CNTN6: variants seen among roughly 807,000 people sequenced by gnomAD.
The protein encoded by CNTN6 is contactin-6.
CNTN6 carries 137 observed loss-of-function variants against 122.8 expected under a neutral mutation model. The observed-to-expected ratio is 1.12, with a 90% CI of 0.97 to 1.29. CNTN6 has a LOEUF of 1.29. Among genes scored for constraint, CNTN6 ranks in the 50% most tolerant of loss-of-function variants. CNTN6 has a pLI of 0.00. For synonymous variants in CNTN6, 570 were observed against 426.0 expected (o/e 1.34, Z -4.16); for missense variants, 1,634 against 1,223.4 (o/e 1.34, Z -5.01).
intron 20 of CNTN6, among the ~76,000 whole-genome samples, chr3:1,388,293 C>G (rs547274523): frequency 2.0e-5 from 3 of 147,946 alleles, no homozygotes; most frequent in African/African-American, 5.0e-5. Context: ...CACCCCCCAG[C>G]AGGGGCACAC....
chr3:1,402,439 G>A lies in CNTN6; in HGVS notation c.2939G>A (p.Gly980Asp). The change falls in exon 22 of 23, where the codon GGT (glycine) becomes GAT (aspartate). Residue 980 changes from glycine (G) to aspartate (D), a missense_variant. Transcript: ENST00000446702. ...ATTGAAATAAGAACAGTCAGTGATG[G>A]TGGAGATGGAAGCAGCAGTGAGGAA... Reference protein sequence around the residue: ...YLIEIRTVSDGGDGSSSEEIR... With the variant: ...YLIEIRTVSDDGDGSSSEEIR... The A allele has an allele frequency of 6.2e-7, 1 of 1,612,060 alleles. No individual in the cohort carries two copies. The highest frequency in any genetic ancestry group is 1.1e-5 in the South Asian group (1 of 90,934).
rs1310710049 is a variant in CNTN6 at position 1,291,368 on chromosome 3, G to A, written c.455-4233G>A. Among the ~76,000 whole-genome samples, 4 of 152,246 alleles carry A rather than the reference G, an allele frequency of 2.6e-5. No homozygotes were observed. The South Asian group carries it at 6.2e-4, about 24-fold the overall frequency. On this transcript the variant is annotated intron_variant, in intron 5 of 22. Coordinates refer to ENST00000446702, the MANE Select transcript of CNTN6 (RefSeq NM_001289080.2). ...AAGTTCTAGCAGCTAAGGTAAAAAT[G>A]AATTCACCAGGGGAGAGAGGAAAAT...
At chr3:1,273,072 T>A (rs1331863700) in intron 4 of CNTN6, among the ~76,000 whole-genome samples, 1 of 152,152 alleles carries the variant, frequency 6.6e-6, no homozygotes, top group African/African-American at 2.4e-5. Flanking sequence ...CATTTTTGCT[T>A]ATACTCCTGC....
At chr3:1,234,625 G>T (rs898329688) in intron 4 of CNTN6, among the ~76,000 whole-genome samples, 7 of 152,140 alleles carry the variant, frequency 4.6e-5, no homozygotes, top group African/African-American at 1.7e-4. Context: ...TGCGAAGTGC[G>T]TATTAAGTGG....
At chr3:1,217,809 T>C (rs2094148917) in intron 2 of CNTN6, among the ~76,000 whole-genome samples, 2 of 152,310 alleles carry the variant, frequency 1.3e-5, no homozygotes, top group African/African-American at 4.8e-5. Flanking sequence ...AAACAGAGGC[T>C]GAGGCCGGGT....
At chr3:1,231,284 A>G (rs1031385785) in intron 4 of CNTN6, among the ~76,000 whole-genome samples, 1 of 152,222 alleles carries the variant, frequency 6.6e-6, no homozygotes, top group Admixed American at 6.5e-5. Flanking sequence ...ACTCCCATAG[A>G]TAAGAACAAG....
At chr3:1,191,524 C>T (rs550783168) in intron 2 of CNTN6, among the ~76,000 whole-genome samples, 1 of 152,300 alleles carries the variant, frequency 6.6e-6, no homozygotes, top group South Asian at 2.1e-4. Flanking sequence ...GCACATAGGA[C>T]CCTTCTGGAT....
intron 16 of CNTN6, among the ~76,000 whole-genome samples, chr3:1,375,524 T>C (rs1709733168): frequency 6.6e-6 from 1 of 152,080 alleles, no homozygotes; most frequent in African/African-American, 2.4e-5. Context: ...TCTCAGAACA[T>C]TGGAAACTTT....
intron 20 of CNTN6, among the ~76,000 whole-genome samples, chr3:1,400,475 C>T (rs976582103): frequency 6.9e-6 from 1 of 144,980 alleles, no homozygotes; most frequent in Non-Finnish European, 1.5e-5. Context: ...CTCCCACCAT[C>T]TCTCACGCAG....
chr3:1,200,831 T>C (rs2093853335), intron 2 of CNTN6, among the ~76,000 whole-genome samples: 1 of 152,184 alleles, frequency 6.6e-6, no homozygotes, highest in South Asian at 2.1e-4. Flanking sequence ...GAAGAATAAC[T>C]TGACTTCTCT....
intron 20 of CNTN6, among the ~76,000 whole-genome samples, chr3:1,394,821 G>A (rs1419689280): frequency 6.6e-6 from 1 of 152,056 alleles, no homozygotes; most frequent in Non-Finnish European, 1.5e-5. Context: ...TTTGTCTGAT[G>A]GTTAACGTAT....
rs71619483 is a variant in CNTN6 at position 1,280,459 on chromosome 3, A to ATTTTTTTTTTTTTTTTTTTTTTTT, written c.454+1974_454+1975insTTTTTTTTTTTTTTTTTTTTTTTT. Among the ~76,000 whole-genome samples, 56 of 66,616 alleles carry ATTTTTTTTTTTTTTTTTTTTTTTT rather than the reference A, an allele frequency of 8.4e-4. 14 individuals are homozygous for ATTTTTTTTTTTTTTTTTTTTTTTT. The highest frequency in any genetic ancestry group is 1.3e-3 in the African/African-American group (22 of 16,352). 43.7% of individuals were successfully genotyped at this position (66,616 alleles called of 152,430 possible). On this transcript the variant is annotated intron_variant, in intron 5 of 22. Coordinates refer to ENST00000446702, the MANE Select transcript of CNTN6 (RefSeq NM_001289080.2). ...GTAATGGCAAACTTGTGTAATACCA[A>ATTTTTTTTTTTTTTTTTTTTTTTT]TTTTTTTTTTTTTTTTTTTTTTTGT... is the stretch of plus-strand genomic sequence containing the variant.
chr3:1,287,178 G>A (rs1368518538), intron 5 of CNTN6, among the ~76,000 whole-genome samples: 1 of 152,060 alleles, frequency 6.6e-6, no homozygotes, highest in East Asian at 1.9e-4. Context: ...AATTAACAAC[G>A]ATATTCAGGA....
At chr3:1,172,634 G>A (rs201014226) in intron 2 of CNTN6, among the ~76,000 whole-genome samples, 2 of 151,028 alleles carry the variant, frequency 1.3e-5, no homozygotes, top group East Asian at 3.9e-4. Context: ...GTGTGTGTGT[G>A]TGTGTGTGTG....
At chr3:1,115,166 G>A (rs2091662117) in intron 1 of CNTN6, among the ~76,000 whole-genome samples, 1 of 152,130 alleles carries the variant, frequency 6.6e-6, no homozygotes, top group Non-Finnish European at 1.5e-5. Flanking sequence ...TGTAACATAT[G>A]CACATAGGCT....
intron 12 of CNTN6, among the ~76,000 whole-genome samples, chr3:1,361,586 G>C (rs1316002509): frequency 1.3e-5 from 2 of 151,898 alleles, no homozygotes; most frequent in Non-Finnish European, 2.9e-5. Context: ...TACTCTTCAA[G>C]CTATTATCTA....
chr3:1,176,071 TA>T (rs1439088569), intron 2 of CNTN6, among the ~76,000 whole-genome samples: 3 of 152,136 alleles, frequency 2.0e-5, no homozygotes, highest in Non-Finnish European at 4.4e-5. Flanking sequence ...AAATATTGAG[TA>T]CAAACAGTGG....
chr3:1,353,490 T>G (rs1252472291), intron 12 of CNTN6, among the ~76,000 whole-genome samples: 2 of 151,662 alleles, frequency 1.3e-5, no homozygotes, highest in African/African-American at 2.4e-5. Context: ...AAACTTGGTG[T>G]GTCAAAATCC....
chr3:1,095,055 T>G (rs2090449197), intron 1 of CNTN6, among the ~76,000 whole-genome samples: 1 of 152,006 alleles, frequency 6.6e-6, no homozygotes, highest in African/African-American at 2.4e-5. Flanking sequence ...GAGAGATAAA[T>G]ACTTTTGTAA....
Sources: gnomAD v4.1 joint callset for allele counts (sites outside exome capture counted in the v4.1 genomes callset) on GRCh38, gnomAD v4.1.1 for gene constraint, MANE v1.5 for transcripts, NCBI Gene and HGNC (gene_info 2026-07-23, HGNC 2026-07-21) for gene names.